The following DKK4 variants were observed in gnomAD, a reference collection of about 807,000 sequenced individuals.
DKK4 encodes the protein dickkopf-related protein 4.
DKK4 carries 15 observed loss-of-function variants against 14.5 expected under a neutral mutation model. That is an observed-to-expected ratio of 1.03 (90% CI 0.69 to 1.59). The LOEUF is 1.59. Ranked by LOEUF, DKK4 falls within the 40% of genes most tolerant of loss-of-function variation. The pLI is 0.00. For missense variants in DKK4, 272 were observed against 280.3 expected (o/e 0.97, Z 0.21); for synonymous variants, 89 against 105.2 (o/e 0.85, Z 0.94).
chr8:42,388,935 A>G, the DKK4 span, among the ~76,000 whole-genome samples: 1 of 152,120 alleles, frequency 6.6e-6, no homozygotes, highest in African/African-American at 2.4e-5. Context: ...ATTATGCACT[A>G]TGGTTACATT....
At chr8:42,377,458 G>A (rs767732398), upstream of DKK4, among the ~76,000 whole-genome samples, 2 of 152,236 alleles carry the variant, frequency 1.3e-5, no homozygotes, top group South Asian at 2.1e-4. Flanking sequence ...AAAGGGCCAC[G>A]GCAGAGCAGG....
the DKK4 span, among the ~76,000 whole-genome samples, chr8:42,387,336 A>G: frequency 1.5e-5 from 2 of 132,752 alleles, no homozygotes; most frequent in African/African-American, 5.5e-5. Context: ...GAGGTGGTGA[A>G]GGCCAGTCTT....
the DKK4 span, among the ~76,000 whole-genome samples, chr8:42,391,007 G>A: frequency 6.6e-6 from 1 of 152,188 alleles, no homozygotes; most frequent in East Asian, 1.9e-4. Flanking sequence ...GTGGTTCCAA[G>A]ACGATGATTT....
At chr8:42,380,895 GAGAA>G (rs1411137064), upstream of DKK4, among the ~76,000 whole-genome samples, 45 of 151,378 alleles carry the variant, frequency 3.0e-4, no homozygotes, top group South Asian at 6.4e-4. Flanking sequence ...GAGAGAGAAA[GAGAA>G]AGAAAATGAG....
At chr8:42,390,549 G>A in the DKK4 span, among the ~76,000 whole-genome samples, 2 of 151,036 alleles carry the variant, frequency 1.3e-5, no homozygotes, top group African/African-American at 4.9e-5. Context: ...ATTTTTAGTA[G>A]AGGCGGGGTT....
the DKK4 span, among the ~76,000 whole-genome samples, chr8:42,390,733 T>A: frequency 6.6e-6 from 1 of 152,280 alleles, no homozygotes; most frequent in African/African-American, 2.4e-5. Context: ...GTCTTGCAGG[T>A]CTCTCAGTTT....
the DKK4 span, among the ~76,000 whole-genome samples, chr8:42,389,745 G>C: frequency 6.6e-6 from 1 of 152,110 alleles, no homozygotes; most frequent in Non-Finnish European, 1.5e-5. Context: ...TTAACCAATT[G>C]TTAACATTTT....
At chr8:42,387,417 G>T in the DKK4 span, among the ~76,000 whole-genome samples, 3 of 138,700 alleles carry the variant, frequency 2.2e-5, no homozygotes, top group African/African-American at 8.3e-5. Flanking sequence ...GAGTGCAATG[G>T]CACGATCTCT....
the DKK4 span, among the ~76,000 whole-genome samples, chr8:42,387,667 G>A: frequency 1.3e-5 from 2 of 152,016 alleles, no homozygotes; most frequent in Admixed American, 1.3e-4. Flanking sequence ...GCCAATGAAA[G>A]CCAGTCTTGA....
chr8:42,385,588 A>G, the DKK4 span, among the ~76,000 whole-genome samples: 81 of 151,838 alleles, frequency 5.3e-4, no homozygotes, highest in African/African-American at 1.8e-3. Flanking sequence ...CACTGCCCCC[A>G]CAGGTCTGGC....
At chr8:42,381,231 C>T (rs1300763513), upstream of DKK4, among the ~76,000 whole-genome samples, 1 of 151,988 alleles carries the variant, frequency 6.6e-6, no homozygotes, top group African/African-American at 2.4e-5. Context: ...ATGATCCTGC[C>T]TTCTCTGATT....
intron 3 of DKK4, 137 bp downstream of exon 3, chr8:42,374,620 CAGAA>C: frequency 2.3e-6 from 3 of 1,301,386 alleles, no homozygotes; most frequent in Non-Finnish European, 3.2e-6. Flanking sequence ...CAGCTTCTTA[CAGAA>C]AGAGATAACA....
chr8:42,374,316 A>G lies in DKK4; in HGVS notation c.459T>C (p.Pro153=), dbSNP rs1187044632. ...ESCLRTFDCG[P]GLCCARHFWT... ...AAAAATGACGAGCACAGCAAAGTCC[A>G]GGGCCACAGTCAAAAGTTCTCAGAC... Residue 153 remains proline, a synonymous_variant, in exon 4 of 4, where the codon CCT becomes CCC. Transcript: ENST00000220812. The G allele has an allele frequency of 6.2e-7, 1 of 1,613,898 alleles. No homozygotes were observed. The highest frequency in any genetic ancestry group is 1.1e-5 in the South Asian group (1 of 90,988).
At chr8:42,381,234 C>A (rs186740503), upstream of DKK4, among the ~76,000 whole-genome samples, 1 of 152,092 alleles carries the variant, frequency 6.6e-6, no homozygotes, top group East Asian at 1.9e-4. Context: ...ATCCTGCCTT[C>A]TCTGATTTGG....
the DKK4 span, among the ~76,000 whole-genome samples, chr8:42,389,326 CA>C: frequency 2.6e-5 from 4 of 152,166 alleles, no homozygotes; most frequent in Admixed American, 1.3e-4. Context: ...GAAACTGAGG[CA>C]GAGAGAGGTT....
Position 42,374,914 on chromosome 8 carries a change from C to A in DKK4, c.263-1G>T. 6.2e-7 allele frequency: 1 copy of A among 1,614,126 alleles called. No individual in the cohort carries two copies. Among genetic ancestry groups the A allele is most frequent in the Non-Finnish European group, 8.5e-7 (1 of 1,180,022 alleles). On this transcript the variant is annotated splice_acceptor_variant, in intron 2 of 3. Transcript: ENST00000220812. LOFTEE classifies it high-confidence loss of function. ...GCATCTTCCATCGTAGTACAAACAT[C>A]TGAGGGACAACCAGGTGTAACTAGA...
chr8:42,382,975 C>T, the DKK4 span, among the ~76,000 whole-genome samples: 7 of 152,076 alleles, frequency 4.6e-5, no homozygotes, highest in African/African-American at 1.2e-4. Context: ...TATACTCACT[C>T]GGGAATGGAA....
At chr8:42,384,590 T>C in the DKK4 span, among the ~76,000 whole-genome samples, 1 of 152,220 alleles carries the variant, frequency 6.6e-6, no homozygotes, top group East Asian at 1.9e-4. Context: ...GTCCAGGCCT[T>C]CCCAGGACTT....
the DKK4 span, among the ~76,000 whole-genome samples, chr8:42,385,454 C>T: frequency 2.6e-5 from 4 of 152,052 alleles, no homozygotes; most frequent in Non-Finnish European, 5.9e-5. Context: ...GGTAGAAAGT[C>T]CTCAGACACA....
Sources: gnomAD v4.1 joint callset for allele counts (sites outside exome capture counted in the v4.1 genomes callset) on GRCh38, gnomAD v4.1.1 for gene constraint, MANE v1.5 for transcripts, NCBI Gene and HGNC (gene_info 2026-07-23, HGNC 2026-07-21) for gene names.